NDE1: variants seen among roughly 807,000 people sequenced by gnomAD.
NDE1 encodes nudE neurodevelopment protein 1.
A neutral mutation model predicts 43.4 loss-of-function variants in NDE1; 28 were observed. That is an observed-to-expected ratio of 0.65 (90% confidence interval 0.48 to 0.89). The LOEUF is 0.89. NDE1 is among the 40% of genes least tolerant of loss of function. The pLI is 0.00. For missense variants in NDE1, 441 were observed against 434.1 expected (o/e 1.02, Z -0.14); for synonymous variants, 184 against 172.0 (o/e 1.07, Z -0.55).
intron 6 of NDE1, among the ~76,000 whole-genome samples, chr16:15,693,884 G>A (rs1239992497): frequency 2.0e-5 from 3 of 152,174 alleles, no homozygotes; most frequent in Non-Finnish European, 4.4e-5. Flanking sequence ...AGGTTGCAGT[G>A]AGCTGAGATC....
intron 4 of NDE1, among the ~76,000 whole-genome samples, chr16:15,679,817 C>T (rs942566021): frequency 5.3e-5 from 8 of 152,024 alleles, no homozygotes; most frequent in East Asian, 1.9e-4. Flanking sequence ...CTTGCTCTGT[C>T]GCCCAGGCTG....
chr16:15,719,612 C>T lies in NDE1; in HGVS notation c.948-4579C>T, dbSNP rs754570649. ...CTTGTAGCTGCATGAGGTCTGCTTC[C>T]AAGCTCTTGGCTTTCTTCTCATTCT... is the stretch of plus-strand genomic sequence containing the variant. On this transcript the variant is annotated intron_variant, in intron 8 of 8. Transcript: ENST00000396354. The T allele has an allele frequency of 5.6e-6, 9 of 1,614,208 alleles. No homozygotes were observed. Among genetic ancestry groups the T allele is most frequent in the Admixed American group, 1.7e-5 (1 of 60,018 alleles).
chr16:15,668,085 C>G (rs182720947), intron 3 of NDE1, among the ~76,000 whole-genome samples: 19 of 151,906 alleles, frequency 1.3e-4, no homozygotes, highest in African/African-American at 4.4e-4. Flanking sequence ...TCACCTGGGC[C>G]GGGCGAGGTG....
At chr16:15,715,769 C>A (rs920888551) in intron 8 of NDE1, among the ~76,000 whole-genome samples, 1 of 152,148 alleles carries the variant, frequency 6.6e-6, no homozygotes, top group Non-Finnish European at 1.5e-5. Context: ...ACCTCAGCCT[C>A]CCAAGTAGCT....
intron 8 of NDE1, among the ~76,000 whole-genome samples, chr16:15,716,261 G>T (rs1036191794): frequency 6.6e-6 from 1 of 152,044 alleles, no homozygotes; most frequent in Non-Finnish European, 1.5e-5. Context: ...CGATGAAAAT[G>T]TTCTCAAAAT....
At chr16:15,660,971 G>A (rs1768595608) in intron 1 of NDE1, among the ~76,000 whole-genome samples, 1 of 152,020 alleles carries the variant, frequency 6.6e-6, no homozygotes, top group African/African-American at 2.4e-5. Context: ...CCATGGTCAC[G>A]AGGAAAAGAG....
At chr16:15,698,582 A>C (rs1019497772) in intron 8 of NDE1, among the ~76,000 whole-genome samples, 4 of 150,202 alleles carry the variant, frequency 2.7e-5, no homozygotes, top group African/African-American at 9.8e-5. Context: ...GGCCAGGTGC[A>C]GTGAAGTGGC....
intron 3 of NDE1, among the ~76,000 whole-genome samples, chr16:15,676,251 G>T (rs1420674925): frequency 8.4e-6 from 1 of 119,236 alleles, no homozygotes; most frequent in East Asian, 2.7e-4. Flanking sequence ...TTGAGACAGA[G>T]TCTCGCTGTT....
At chr16:15,682,108 C>T (rs1171174046) in intron 4 of NDE1, among the ~76,000 whole-genome samples, 1 of 152,082 alleles carries the variant, frequency 6.6e-6, no homozygotes, top group South Asian at 2.1e-4. Flanking sequence ...TGGCCAAATG[C>T]TGAATAGTTT....
intron 1 of NDE1, among the ~76,000 whole-genome samples, chr16:15,657,418 C>T (rs890026338): frequency 3.9e-5 from 6 of 152,004 alleles, no homozygotes; most frequent in African/African-American, 1.4e-4. Flanking sequence ...TTAATGGCCA[C>T]ACAGTGCTCA....
intron 4 of NDE1, 23 bp downstream of exon 4, chr16:15,677,972 C>G: frequency 6.2e-7 from 1 of 1,613,530 alleles, no homozygotes; most frequent in Non-Finnish European, 8.5e-7. Context: ...GGGAAAAGCA[C>G]GAGTGGGAGA....
intron 8 of NDE1, chr16:15,713,296 G>C (rs1285498698): frequency 7.3e-6 from 1 of 136,412 alleles, no homozygotes; most frequent in African/African-American, 2.6e-5. Context: ...GTAGGATGAT[G>C]AGGCAGTGGG....
chr16:15,719,019 T>C, intron 8 of NDE1: 1 of 630,870 alleles, frequency 1.6e-6, no homozygotes, highest in South Asian at 1.7e-5. Flanking sequence ...TCTCAGCTAC[T>C]CAGAAGGCTG....
intron 8 of NDE1, chr16:15,721,401 A>T (rs762871945): frequency 6.2e-7 from 1 of 1,613,864 alleles, no homozygotes; most frequent in Non-Finnish European, 8.5e-7. Context: ...TGGACGAGAA[A>T]AACCACCCAG....
At chr16:15,698,863 G>GA (rs113554590) in intron 8 of NDE1, among the ~76,000 whole-genome samples, 150 of 138,946 alleles carry the variant, frequency 1.1e-3, no homozygotes, top group Non-Finnish European at 1.0e-3. Context: ...TCTTTCTCAA[G>GA]AAAAAAAAAA....
chr16:15,705,807 G>A (rs561079033), intron 8 of NDE1, among the ~76,000 whole-genome samples: 6 of 151,598 alleles, frequency 4.0e-5, no homozygotes, highest in African/African-American at 1.2e-4. Context: ...TGGTGAAACC[G>A]TGTCTCTACT....
chr16:15,673,074 C>T (rs1352322853), intron 3 of NDE1, among the ~76,000 whole-genome samples: 1 of 152,228 alleles, frequency 6.6e-6, no homozygotes, highest in African/African-American at 2.4e-5. Context: ...TGCATCCGGA[C>T]TTTCTAGCAA....
At position 15,724,487 on chromosome 16, in the gene NDE1, A is replaced by C; in HGVS notation, c.*236A>C. On this transcript the variant is annotated 3_prime_UTR_variant, in exon 9 of 9. Coordinates refer to ENST00000396354, the MANE Select transcript of NDE1 (RefSeq NM_017668.3). ...GTCCCTGGCCCCACAGACTCTGAGA[A>C]GCGAAGACCATGTCTCCTCGTTGGA... is the stretch of plus-strand genomic sequence containing the variant. 2 of 1,609,132 alleles carry C rather than the reference A, an allele frequency of 1.2e-6. No homozygotes were observed. Among genetic ancestry groups the C allele is most frequent in the Non-Finnish European group, 1.7e-6 (2 of 1,178,360 alleles).
chr16:15,650,337 C>T (rs945537347), intron 1 of NDE1, 43 bp downstream of exon 1: 7 of 232,198 alleles, frequency 3.0e-5, no homozygotes, highest in Non-Finnish European at 5.4e-5. Flanking sequence ...GGTGGCTGTC[C>T]GGGGACCTCC....
Sources: gnomAD v4.1 joint callset for allele counts (sites outside exome capture counted in the v4.1 genomes callset) on GRCh38, gnomAD v4.1.1 for gene constraint, MANE v1.5 for transcripts, NCBI Gene and HGNC (gene_info 2026-07-23, HGNC 2026-07-21) for gene names.